The following ZNF530 variants were observed in gnomAD, a reference collection of about 807,000 sequenced individuals.
ZNF530 encodes zinc finger protein 530.
Under a neutral mutation model 2.8 loss-of-function variants are expected in ZNF530, and 5 were observed. That is an observed-to-expected ratio of 1.80 (90% confidence interval 0.94 to 3.78). ZNF530 has a LOEUF of 3.78. ZNF530 is among the 30% of genes most tolerant of loss of function. The pLI, the probability that ZNF530 is intolerant of heterozygous loss-of-function variation, is 0.00. For missense variants in ZNF530, 619 were observed against 673.3 expected (o/e 0.92, Z 0.89); for synonymous variants, 229 against 235.0 (o/e 0.97, Z 0.23).
chr19:57,604,571 C>T, intron 3 of ZNF530, 165 bp downstream of exon 3: 1 of 856,988 alleles, frequency 1.2e-6, no homozygotes. Flanking sequence ...CACTCTCAGA[C>T]TGTCCTAACA....
chr19:57,609,297 C>T lies in ZNF530; in HGVS notation c.*1972C>T, dbSNP rs533991714. 6.6e-6 allele frequency among the ~76,000 whole-genome samples: 1 copy of T among 152,044 alleles called. No homozygotes were observed. The highest frequency in any genetic ancestry group is 2.1e-4 in the South Asian group (1 of 4,812). ...AGTGAGCTGAGACCACACCACTGCA[C>T]TCCAGCCCGGGTGATGGAGTGAGAC... On this transcript the variant is annotated 3_prime_UTR_variant, in exon 4 of 4. Coordinates refer to ENST00000597700, the MANE Select transcript of ZNF530 (RefSeq NM_001321981.2).
At position 57,607,857 on chromosome 19, in the gene ZNF530, T is replaced by C; in HGVS notation, c.*532T>C. The C allele has an allele frequency of 6.1e-6, 1 of 163,582 alleles. No homozygotes were observed. The highest frequency in any genetic ancestry group is 1.3e-5 in the Non-Finnish European group (1 of 74,236). 10.1% of individuals were successfully genotyped at this position (163,582 alleles called of 1,614,324 possible). A position where few individuals can be genotyped will look rare whatever the true frequency, so the allele number is the denominator to read the frequency against. On this transcript the variant is annotated 3_prime_UTR_variant, in exon 4 of 4. Transcript: ENST00000597700. ...GTGGGAAGCATGTGTAGCTATGTTG[T>C]ACTCTCTAAACCTGCCCAGGGACCT...
In ZNF530 at chr19:57,606,900, AAAAC is replaced by A. The variant is rs776931360; in HGVS notation, c.1280_1283del (p.Thr427SerfsTer131). The A allele has an allele frequency of 1.5e-4, 237 of 1,612,176 alleles. No individual in the cohort carries two copies. Among genetic ancestry groups the A allele is most frequent in the Non-Finnish European group, 1.9e-4 (222 of 1,179,604 alleles). On this transcript the variant is annotated frameshift_variant, in exon 4 of 4. Coordinates refer to ENST00000597700, the MANE Select transcript of ZNF530 (RefSeq NM_001321981.2). LOFTEE classifies it low-confidence loss of function (END_TRUNC). ...CTTTCGACACAGAAGAGCTCACACT[AAAAC>A]AAAGCCTTATGAGTGCAGTGAATGT...
At chr19:57,600,255 C>G in intron 1 of ZNF530, 121 bp downstream of exon 1, 1 of 1,219,526 alleles carries the variant, frequency 8.2e-7, no homozygotes, top group African/African-American at 1.5e-5. Context: ...TGCTGGATCT[C>G]GTTTCTGGTA....
At chr19:57,610,938 T>C (rs1359914080), downstream of ZNF530, among the ~76,000 whole-genome samples, 1 of 152,154 alleles carries the variant, frequency 6.6e-6, no homozygotes, top group Non-Finnish European at 1.5e-5. Flanking sequence ...TTAATCATGG[T>C]TTCTGTTTTT....
chr19:57,607,240 A>G lies in ZNF530; in HGVS notation c.1616A>G (p.Glu539Gly), dbSNP rs1467589475. 1.2e-6 allele frequency: 2 copies of G among 1,614,134 alleles called. No homozygotes were observed. The highest frequency in any genetic ancestry group is 1.3e-5 in the African/African-American group (1 of 75,012). The change falls in exon 4 of 4, where the codon GAA becomes GGA. Residue 539 changes from glutamate (E) to glycine (G), a missense_variant. Physicochemically the swap from Glu to Gly is moderately conservative, Grantham distance 98. Transcript: ENST00000597700. ...CAACACAAGACAGTTCACACTGGAG[A>G]AAGGCCTTATGAATGCAGTGAATGT... is the stretch of plus-strand genomic sequence containing the variant. ...LIQHKTVHTGERPYECSECGK... is the reference protein window; with the variant it reads ...LIQHKTVHTGGRPYECSECGK...
At chr19:57,611,125 C>T (rs764207578), downstream of ZNF530, among the ~76,000 whole-genome samples, 3 of 152,184 alleles carry the variant, frequency 2.0e-5, no homozygotes, top group Non-Finnish European at 4.4e-5. Flanking sequence ...TAAATCATCC[C>T]AGCGTTACTG....
rs565435938 is a variant in ZNF530 at position 57,609,807 on chromosome 19, C to CA, written c.*2494dup. On this transcript the variant is annotated 3_prime_UTR_variant, in exon 4 of 4. Transcript: ENST00000597700. ...TACTTCAAGGCCATTGCTGCACAGA[C>CA]AAAAAAAAAAAAGGATGAAGTCAAG... Among the ~76,000 whole-genome samples the CA allele has an allele frequency of 6.0e-4, 81 of 136,034 alleles. 1 individual carries two copies. Among genetic ancestry groups the CA allele is most frequent in the Admixed American group, 9.7e-4 (13 of 13,414 alleles). The allele number at this position is 136,034 out of a possible 152,430, so 89.2% of individuals were successfully genotyped here. A position where few individuals can be genotyped will look rare whatever the true frequency, so the allele number is the denominator to read the frequency against.
At chr19:57,601,395 A>G (rs1217592063) in intron 2 of ZNF530, among the ~76,000 whole-genome samples, 1 of 152,150 alleles carries the variant, frequency 6.6e-6, no homozygotes, top group Non-Finnish European at 1.5e-5. Flanking sequence ...GAGAGATAAG[A>G]AGGGGTGACT....
chr19:57,607,347 C>CTTTT lies in ZNF530; in HGVS notation c.*35_*38dup. The CTTTT allele has an allele frequency of 2.2e-6, 3 of 1,390,834 alleles. No individual in the cohort carries two copies. The highest frequency in any genetic ancestry group is 2.3e-5 in the Admixed American group (1 of 43,174). 86.2% of individuals were successfully genotyped at this position (1,390,834 alleles called of 1,614,324 possible). On this transcript the variant is annotated 3_prime_UTR_variant, in exon 4 of 4. Coordinates refer to ENST00000597700, the MANE Select transcript of ZNF530 (RefSeq NM_001321981.2). ...GTGAATGTGGGAAATTATTTTGTCA[C>CTTTT]TTTTTTTTTTTTTTTTGAGATGGAA...
chr19:57,606,281 T>C lies in ZNF530; in HGVS notation c.657T>C (p.Ser219=), dbSNP rs1308975698. Residue 219 remains serine, a synonymous_variant, in exon 4 of 4, where the codon TCT becomes TCC. Coordinates refer to ENST00000597700, the MANE Select transcript of ZNF530 (RefSeq NM_001321981.2). ...SECGKSFSQS[S]GFLRHRKAHG... is the part of the protein sequence containing the mutation. ...GTGGGAAATCCTTTAGTCAAAGTTC[T>C]GGCTTTCTTCGACACAGGAAAGCAC... 1 of 1,614,068 alleles carries C rather than the reference T, an allele frequency of 6.2e-7. No homozygotes were observed. Among genetic ancestry groups the C allele is most frequent in the East Asian group, 2.2e-5 (1 of 44,896 alleles).
At chr19:57,610,198 A>G (rs1005025794), downstream of ZNF530, among the ~76,000 whole-genome samples, 1 of 152,342 alleles carries the variant, frequency 6.6e-6, no homozygotes, top group Admixed American at 6.5e-5. Context: ...TTGCTCTTTT[A>G]TAATACATTC....
intron 2 of ZNF530, among the ~76,000 whole-genome samples, chr19:57,603,709 G>T (rs1012746436): frequency 9.8e-5 from 15 of 152,372 alleles, no homozygotes; most frequent in African/African-American, 3.6e-4. Flanking sequence ...CAGGTAGGAA[G>T]GGCTTCAGAG....
Position 57,606,880 on chromosome 19 carries a change from G to A in ZNF530, c.1256G>A (p.Arg419Gln), listed in dbSNP as rs373957631. 2.8e-5 allele frequency: 45 copies of A among 1,612,568 alleles called. No individual in the cohort carries two copies. The highest frequency in any genetic ancestry group is 4.5e-5 in the East Asian group (2 of 44,766). ...KVFSQSSGLF[R>Q]HRRAHTKTKP... ...TTTAGCCAAAGCTCTGGCCTCTTTC[G>A]ACACAGAAGAGCTCACACTAAAACA... is the stretch of plus-strand genomic sequence containing the variant. Residue 419 changes from arginine to glutamine, a missense_variant, in exon 4 of 4, where the codon CGA (arginine) becomes CAA (glutamine). Physicochemically the swap from Arg to Gln is conservative, Grantham distance 43. Coordinates refer to ENST00000597700, the MANE Select transcript of ZNF530 (RefSeq NM_001321981.2).
rs1167231943 is a variant in ZNF530 at position 57,609,576 on chromosome 19, G to A, written c.*2251G>A. On this transcript the variant is annotated 3_prime_UTR_variant, in exon 4 of 4. Transcript: ENST00000597700. Reference sequence around the variant, plus strand: ...GCAGAAGAATCTCTTGAACCTGGGAGGTGAGCCGAGATCGCACCATTGCAC... The same window carrying A: ...GCAGAAGAATCTCTTGAACCTGGGAAGTGAGCCGAGATCGCACCATTGCAC... Among the ~76,000 whole-genome samples, 2 of 152,200 alleles carry A rather than the reference G, an allele frequency of 1.3e-5. No homozygotes were observed. The highest frequency in any genetic ancestry group is 6.5e-5 in the Admixed American group (1 of 15,278).
Position 57,606,969 on chromosome 19 carries a change from C to G in ZNF530, c.1345C>G (p.Gln449Glu). The change falls in exon 4 of 4, where the codon CAG becomes GAG. Residue 449 changes from glutamine (Q) to glutamate (E), a missense_variant. Transcript: ENST00000597700. ...TTGCAAAACTGACCTCATTCGACAC[C>G]AGACAGTTCACACTGGAGAAAGGCC... ...FSCKTDLIRH[Q>E]TVHTGERPYE... The G allele has an allele frequency of 3.7e-6, 6 of 1,613,662 alleles. No homozygotes were observed. Among genetic ancestry groups the G allele is most frequent in the South Asian group, 1.1e-5 (1 of 91,034 alleles).
In ZNF530 at chr19:57,608,158, A is replaced by G. The variant is rs1427084899; in HGVS notation, c.*833A>G. The G allele has an allele frequency of 6.6e-6, 1 of 152,144 alleles. No homozygotes were observed. The highest frequency in any genetic ancestry group is 2.4e-5 in the African/African-American group (1 of 41,424). 9.4% of individuals were successfully genotyped at this position (152,144 alleles called of 1,614,324 possible). A position where few individuals can be genotyped will look rare whatever the true frequency, so the allele number is the denominator to read the frequency against. On this transcript the variant is annotated 3_prime_UTR_variant, in exon 4 of 4. Coordinates refer to ENST00000597700, the MANE Select transcript of ZNF530 (RefSeq NM_001321981.2). ...CCAGAGGATTGCCTTTTTTGAGGAC[A>G]TTGTTGATCTCAGGCGATGCTTGTG...
intron 2 of ZNF530, among the ~76,000 whole-genome samples, chr19:57,603,592 C>G (rs1357606311): frequency 6.6e-6 from 1 of 152,124 alleles, no homozygotes; most frequent in Non-Finnish European, 1.5e-5. Flanking sequence ...GTTACTGTTA[C>G]TGTTTAGTGC....
Position 57,606,822 on chromosome 19 carries a change from A to G in ZNF530, c.1198A>G (p.Arg400Gly), listed in dbSNP as rs767693718. The G allele has an allele frequency of 3.1e-6, 5 of 1,614,252 alleles. No homozygotes were observed. The Admixed American group carries it at 6.7e-5, about 22-fold the overall frequency. ...ACACCAAAGAGTTCACACTGGAGAA[A>G]GGCCTTATGAGTGCAGTGAATGTGG... Reference protein sequence around the residue: ...IQHQRVHTGERPYECSECGKV... With the variant: ...IQHQRVHTGEGPYECSECGKV... The change falls in exon 4 of 4, where the codon AGG becomes GGG. Residue 400 changes from arginine (R) to glycine (G), a missense_variant. Transcript: ENST00000597700.
Sources: allele counts gnomAD v4.1 joint callset (sites outside exome capture counted in the v4.1 genomes callset), GRCh38; gene constraint gnomAD v4.1.1; transcripts MANE v1.5; gene names NCBI Gene and HGNC (gene_info 2026-07-23, HGNC 2026-07-21).